CNDP2: variants seen among roughly 807,000 people sequenced by gnomAD.
CNDP2 encodes the protein carnosine dipeptidase 2, also known as cytosolic non-specific dipeptidase.
CNDP2 carries 38 observed loss-of-function variants against 55.0 expected under a neutral mutation model. The observed-to-expected ratio is 0.69, with a 90% CI of 0.53 to 0.90. The LOEUF (loss-of-function observed/expected upper bound fraction) is 0.90. Among genes scored for constraint, CNDP2 ranks in the 40% least tolerant of loss-of-function variants. CNDP2 has a pLI of 0.00. For synonymous variants in CNDP2, 241 were observed against 260.2 expected (o/e 0.93, Z 0.71); for missense variants, 607 against 621.7 (o/e 0.98, Z 0.25).
At chr18:74,501,075 GTT>G in intron 2 of CNDP2, 3 of 785,322 alleles carry the variant, frequency 3.8e-6, no homozygotes, top group East Asian at 5.5e-5. Context: ...TCACTTCCTT[GTT>G]TTTTTTTTGT....
chr18:74,513,802 G>A (rs1420027627), intron 8 of CNDP2, 83 bp downstream of exon 8: 11 of 1,400,924 alleles, frequency 7.9e-6, no homozygotes, highest in Non-Finnish European at 1.1e-5. Flanking sequence ...CCTTCCCTGG[G>A]TCCAGGGGGT....
intron 3 of CNDP2, 33 bp downstream of exon 3, chr18:74,501,505 G>C (rs199658463): frequency 1.3e-6 from 2 of 1,582,780 alleles, no homozygotes; most frequent in Non-Finnish European, 8.6e-7. Context: ...TTGCAGGACC[G>C]TAGACAGATT....
intron 3 of CNDP2, 28 bp downstream of exon 3, chr18:74,501,500 G>C (rs1177004707): frequency 6.2e-7 from 1 of 1,605,932 alleles, no homozygotes; most frequent in Non-Finnish European, 8.5e-7. Flanking sequence ...TTGCATTGCA[G>C]GACCGTAGAC....
chr18:74,520,186 C>G lies in CNDP2; in HGVS notation c.*118C>G. The G allele has an allele frequency of 1.1e-6, 1 of 945,338 alleles. No individual in the cohort carries two copies. The allele number at this position is 945,338 out of a possible 1,614,324, so 58.6% of individuals were successfully genotyped here. On this transcript the variant is annotated 3_prime_UTR_variant, in exon 12 of 12. Transcript: ENST00000324262. ...TTCCTTTCCCTCTTGTCAGGTCATC[C>G]ATGACTTTAGAGAACAGACACAAGT...
At chr18:74,503,478 G>A (rs1436086152) in intron 3 of CNDP2, among the ~76,000 whole-genome samples, 1 of 152,248 alleles carries the variant, frequency 6.6e-6, no homozygotes, top group Non-Finnish European at 1.5e-5. Context: ...TGAAGGAAAG[G>A]TGATGTTGGG....
Position 74,500,161 on chromosome 18 carries a change from GT to G in CNDP2, c.60+130del, listed in dbSNP as rs1978613497. On this transcript the variant is annotated intron_variant, in intron 2 of 11. Coordinates refer to ENST00000324262, the MANE Select transcript of CNDP2 (RefSeq NM_018235.3). ...GGTTAGAAGATCTGCCTAGAGATCT[GT>G]TCATTAGCTTCTTATTATGGCATAG... 4.3e-6 allele frequency: 3 copies of G among 693,920 alleles called. No individual in the cohort carries two copies. The South Asian group carries it at 6.5e-5, about 15-fold the overall frequency. The allele number at this position is 693,920 out of a possible 1,614,324, so 43.0% of individuals were successfully genotyped here.
At chr18:74,511,135 T>G in intron 6 of CNDP2, 122 bp downstream of exon 6, 21 of 751,964 alleles carry the variant, frequency 2.8e-5, no homozygotes, top group Non-Finnish European at 4.5e-5. Context: ...CAGGGCTCAC[T>G]TAGTGCCCCA....
chr18:74,513,937 A>G, intron 8 of CNDP2: 1 of 496,902 alleles, frequency 2.0e-6, no homozygotes, highest in Non-Finnish European at 3.5e-6. Flanking sequence ...AGACCTGGAG[A>G]AGCATGCAGA....
At chr18:74,510,412 G>A (rs551720850) in intron 5 of CNDP2, among the ~76,000 whole-genome samples, 20 of 152,326 alleles carry the variant, frequency 1.3e-4, no homozygotes, top group African/African-American at 4.3e-4. Context: ...CAGGCTCCTC[G>A]GGGAGAGCAG....
chr18:74,519,016 G>A lies in CNDP2; in HGVS notation c.1278G>A (p.Glu426=), dbSNP rs1191651500. 1 of 1,614,022 alleles carries A rather than the reference G, an allele frequency of 6.2e-7. No homozygotes were observed. The highest frequency in any genetic ancestry group is 8.5e-7 in the Non-Finnish European group (1 of 1,180,016). ...GSIPVTLTFQ[E]ATGKNVMLLP... ...TTCCCGTGACCTTGACCTTTCAGGAGGCCACGGGCAAGAACGTCATGCTGC... is the reference window on the plus strand; with the variant it reads ...TTCCCGTGACCTTGACCTTTCAGGAAGCCACGGGCAAGAACGTCATGCTGC... The change falls in exon 11 of 12, where the codon GAG becomes GAA. Residue 426 remains glutamate (E), a synonymous_variant. Transcript: ENST00000324262.
chr18:74,510,520 C>G (rs1979284160), intron 5 of CNDP2, among the ~76,000 whole-genome samples: 1 of 152,202 alleles, frequency 6.6e-6, no homozygotes, highest in South Asian at 2.1e-4. Flanking sequence ...CGTGGTGTTC[C>G]TCGTGTCGTG....
rs1978595279 is a variant in CNDP2, at chr18:74,499,883, T to A, written c.-91T>A. On this transcript the variant is annotated splice_region_variant and 5_prime_UTR_variant, in exon 2 of 12. Transcript: ENST00000324262. The stretch of plus-strand genomic sequence containing the variant: ...TCTGAACACGTGCTTTCTGGGCAGG[T>A]CGCCCCTCAGTCTCCACTAGAGACA... 11 of 1,136,474 alleles carry A rather than the reference T, an allele frequency of 9.7e-6. No homozygotes were observed. In the South Asian group the frequency reaches 1.5e-4, roughly 15 times the overall value. 70.4% of individuals were successfully genotyped at this position (1,136,474 alleles called of 1,614,324 possible). A position where few individuals can be genotyped will look rare whatever the true frequency, so the allele number is the denominator to read the frequency against.
At chr18:74,519,355 C>T (rs1979920517) in intron 11 of CNDP2, among the ~76,000 whole-genome samples, 1 of 152,142 alleles carries the variant, frequency 6.6e-6, no homozygotes, top group South Asian at 2.1e-4. Flanking sequence ...TCCTTTTTTT[C>T]CTGTTCATTT....
Position 74,520,005 on chromosome 18 carries a change from C to T in CNDP2, c.1365C>T (p.Asn455=). The change falls in exon 12 of 12, where the codon AAC becomes AAT. Residue 455 remains asparagine (N), a synonymous_variant. Coordinates refer to ENST00000324262, the MANE Select transcript of CNDP2 (RefSeq NM_018235.3). Reference sequence around the variant, plus strand: ...ATGTGTTCCTCTCTACCAGGTATAACTACATAGAGGGAACCAAGATGCTGG... The same window carrying T: ...ATGTGTTCCTCTCTACCAGGTATAATTACATAGAGGGAACCAAGATGCTGG... The part of the protein sequence containing the change: ...HSQNEKLNRY[N]YIEGTKMLAA... 1 of 1,613,976 alleles carries T rather than the reference C, an allele frequency of 6.2e-7. No homozygotes were observed. Among genetic ancestry groups the T allele is most frequent in the Non-Finnish European group, 8.5e-7 (1 of 1,179,934 alleles).
At chr18:74,501,569 C>T in intron 3 of CNDP2, 97 bp downstream of exon 3, 1 of 1,440,256 alleles carries the variant, frequency 6.9e-7, no homozygotes, top group Non-Finnish European at 9.4e-7. Context: ...TTTTGCTTCA[C>T]ATACCCCACT....
chr18:74,515,316 G>C (rs1366534397), intron 8 of CNDP2, among the ~76,000 whole-genome samples: 2 of 152,188 alleles, frequency 1.3e-5, no homozygotes, highest in Non-Finnish European at 2.9e-5. Context: ...TGGCATCAGG[G>C]AGGAGCCTCT....
At chr18:74,507,310 T>G (rs1979084368) in intron 4 of CNDP2, 1 of 152,716 alleles carries the variant, frequency 6.5e-6, no homozygotes, top group Admixed American at 6.5e-5. Context: ...CCACCTGCAC[T>G]GGGAACTGGG....
chr18:74,510,109 C>G (rs1395917286), intron 5 of CNDP2, among the ~76,000 whole-genome samples: 1 of 152,172 alleles, frequency 6.6e-6, no homozygotes, highest in East Asian at 1.9e-4. Flanking sequence ...TGTGCACGGG[C>G]AGAGGTCCTG....
intron 3 of CNDP2, among the ~76,000 whole-genome samples, chr18:74,504,139 C>T (rs575981497): frequency 1.9e-4 from 27 of 144,224 alleles, no homozygotes; most frequent in African/African-American, 5.2e-4. Flanking sequence ...GCCACACTGC[C>T]GCTGGGACAA....
Sources: gnomAD v4.1 joint callset for allele counts (sites outside exome capture counted in the v4.1 genomes callset) on GRCh38, gnomAD v4.1.1 for gene constraint, MANE v1.5 for transcripts, NCBI Gene and HGNC (gene_info 2026-07-23, HGNC 2026-07-21) for gene names.